The following APBA1 variants were observed in gnomAD, a reference collection of about 807,000 sequenced individuals.
APBA1 encodes amyloid beta precursor protein binding family A member 1.
A neutral mutation model predicts 86.6 loss-of-function variants in APBA1; 55 were observed. That is an observed-to-expected ratio of 0.64 (90% CI 0.51 to 0.80). The LOEUF is 0.80. APBA1 is among the 30% of genes least tolerant of loss of function. The probability of loss-of-function intolerance (pLI) is 0.00; values close to 1 mark genes in which losing one functional copy is unlikely to be tolerated. For missense variants in APBA1, 1,090 were observed against 1,183.0 expected (o/e 0.92, Z 1.15); for synonymous variants, 511 against 493.9 (o/e 1.03, Z -0.46).
chr9:69,658,255 T>TC (rs1491347491), intron 1 of APBA1, among the ~76,000 whole-genome samples: 1 of 23,904 alleles, frequency 4.2e-5, no homozygotes, highest in African/African-American at 6.2e-5. Context: ...TTTCTTTCTT[T>TC]CTTTCTTTCT....
intron 2 of APBA1, among the ~76,000 whole-genome samples, chr9:69,485,845 G>A (rs1402260457): frequency 1.3e-5 from 2 of 152,112 alleles, no homozygotes; most frequent in South Asian, 2.1e-4. Flanking sequence ...TCAAGACCAG[G>A]TTCCTAAATC....
chr9:69,658,884 C>G (rs893018136), intron 1 of APBA1, among the ~76,000 whole-genome samples: 1 of 152,114 alleles, frequency 6.6e-6, no homozygotes, highest in African/African-American at 2.4e-5. Context: ...GTATGAAACA[C>G]CAACCCCATA....
chr9:69,504,851 G>C (rs536498391), intron 2 of APBA1, among the ~76,000 whole-genome samples: 3 of 151,988 alleles, frequency 2.0e-5, no homozygotes, highest in Non-Finnish European at 2.9e-5. Flanking sequence ...CATCTTCTGC[G>C]GGGAGGAGGA....
intron 4 of APBA1, among the ~76,000 whole-genome samples, chr9:69,468,502 A>G (rs1392073764): frequency 6.6e-6 from 1 of 152,226 alleles, no homozygotes; most frequent in Non-Finnish European, 1.5e-5. Flanking sequence ...GAAAAATAGG[A>G]TATCTGTTTC....
intron 2 of APBA1, among the ~76,000 whole-genome samples, chr9:69,500,683 G>C (rs1156665701): frequency 6.6e-6 from 1 of 152,048 alleles, no homozygotes; most frequent in South Asian, 2.1e-4. Context: ...GCTTAAGCTA[G>C]CACTTACCAA....
intron 11 of APBA1, among the ~76,000 whole-genome samples, chr9:69,434,171 G>A (rs1426595904): frequency 6.6e-6 from 1 of 152,190 alleles, no homozygotes; most frequent in Non-Finnish European, 1.5e-5. Flanking sequence ...CCCAGGCTTG[G>A]GAGTCAGCTG....
At chr9:69,538,521 A>G (rs540833826) in intron 1 of APBA1, among the ~76,000 whole-genome samples, 1 of 152,284 alleles carries the variant, frequency 6.6e-6, no homozygotes, top group South Asian at 2.1e-4. Context: ...TGGCTATTCC[A>G]ACTCTCTCTA....
intron 1 of APBA1, among the ~76,000 whole-genome samples, chr9:69,615,670 C>T (rs1219803181): frequency 6.6e-6 from 1 of 152,136 alleles, no homozygotes; most frequent in Non-Finnish European, 1.5e-5. Context: ...TATAATACAC[C>T]TGTTATTAGA....
At chr9:69,449,844 G>A (rs1245493910) in intron 9 of APBA1, 48 bp from the exon 10 acceptor site, 4 of 1,542,544 alleles carry the variant, frequency 2.6e-6, no homozygotes, top group South Asian at 1.2e-5. Context: ...GACCATCTGG[G>A]GTAGGTAGAA....
intron 10 of APBA1, among the ~76,000 whole-genome samples, chr9:69,443,801 C>G (rs541985261): frequency 6.6e-6 from 1 of 152,194 alleles, no homozygotes; most frequent in East Asian, 1.9e-4. Flanking sequence ...AGTATTTCTA[C>G]ACCATAATGC....
chr9:69,516,089 G>A lies in APBA1; in HGVS notation c.1122C>T (p.Pro374=). ...GGCGCATGACCCAGATGGGCTCTTT[G>A]GGCTCGTCGGGGGTGTAAGGCGAAC... ...TIRSPYTPDE[P]KEPIWVMRQD... is the part of the protein sequence containing the mutation. The change falls in exon 2 of 13, where the codon CCC becomes CCT. Residue 374 remains proline, a synonymous_variant. Coordinates refer to ENST00000265381, the MANE Select transcript of APBA1 (RefSeq NM_001163.4). The surrounding 1 kb of genome is among the most constrained non-coding windows in gnomAD (Gnocchi z 7.3). 2 of 1,612,770 alleles carry A rather than the reference G, an allele frequency of 1.2e-6. No homozygotes were observed. The highest frequency in any genetic ancestry group is 1.7e-6 in the Non-Finnish European group (2 of 1,179,286).
At chr9:69,488,898 C>A (rs900766677) in intron 2 of APBA1, among the ~76,000 whole-genome samples, 2 of 152,054 alleles carry the variant, frequency 1.3e-5, no homozygotes, top group East Asian at 1.9e-4. Context: ...AAAGAGAATA[C>A]AATACCTAGG....
chr9:69,460,459 A>G (rs868564509), intron 5 of APBA1, among the ~76,000 whole-genome samples: 4 of 152,212 alleles, frequency 2.6e-5, no homozygotes, highest in African/African-American at 7.2e-5. Context: ...TATAATCTGC[A>G]TAACTGACAG....
chr9:69,648,982 G>A (rs1426709799), intron 1 of APBA1, among the ~76,000 whole-genome samples: 1 of 152,132 alleles, frequency 6.6e-6, no homozygotes, highest in Non-Finnish European at 1.5e-5. Flanking sequence ...CATCCCTCCA[G>A]AAGCACAAAA....
chr9:69,593,997 G>A (rs964511207), intron 1 of APBA1, among the ~76,000 whole-genome samples: 2 of 152,148 alleles, frequency 1.3e-5, no homozygotes, highest in Admixed American at 6.5e-5. Flanking sequence ...CAGCAGAGGC[G>A]TTGGATCTTC....
At position 69,520,423 on chromosome 9, in the gene APBA1, TA is replaced by T. The variant is rs532960049; in HGVS notation, c.-69-3145del. 1.7e-3 allele frequency among the ~76,000 whole-genome samples: 253 copies of T among 152,304 alleles called. 1 individual carries two copies. The highest frequency in any genetic ancestry group is 5.8e-3 in the African/African-American group (243 of 41,558). ...CCCAGTAATTCTACATATAGAAGTC[TA>T]AAAGAAAAAACTTGAATGTGGACAA... On this transcript the variant is annotated intron_variant, in intron 1 of 12. Coordinates refer to ENST00000265381, the MANE Select transcript of APBA1 (RefSeq NM_001163.4).
chr9:69,444,954 A>G (rs1419908574), intron 10 of APBA1, among the ~76,000 whole-genome samples: 1 of 152,194 alleles, frequency 6.6e-6, no homozygotes, highest in Admixed American at 6.5e-5. Flanking sequence ...ACACACCAGG[A>G]GACCAGGAAT....
intron 8 of APBA1, 80 bp from the exon 9 acceptor site, chr9:69,452,381 C>T: frequency 7.2e-7 from 1 of 1,385,966 alleles, no homozygotes; most frequent in Non-Finnish European, 1.0e-6. Context: ...CCCACCTGAA[C>T]AATGGCCCTC....
intron 2 of APBA1, among the ~76,000 whole-genome samples, chr9:69,511,318 A>G: frequency 6.6e-6 from 1 of 152,232 alleles, no homozygotes; most frequent in Non-Finnish European, 1.5e-5. Context: ...AAACACATGA[A>G]AAAATGCTCA....
Sources: gnomAD v4.1 joint callset for allele counts (sites outside exome capture counted in the v4.1 genomes callset) on GRCh38, gnomAD v4.1.1 for gene constraint, Gnocchi (gnomAD v3.1) non-coding constraint, MANE v1.5 for transcripts, NCBI Gene and HGNC (gene_info 2026-07-23, HGNC 2026-07-21) for gene names.